Variants in LRP12 observed in about 807,000 individuals in gnomAD.
LRP12 encodes low-density lipoprotein receptor-related protein 12.
LRP12 carries 14 observed loss-of-function variants against 66.0 expected under a neutral mutation model. The ratio of observed to expected loss-of-function variants is 0.21; its 90% confidence interval spans 0.14 to 0.33. The LOEUF (loss-of-function observed/expected upper bound fraction) is 0.33. Ranked by LOEUF, LRP12 falls within the 10% of genes least tolerant of loss-of-function variation. LRP12 has a pLI of 1.00. For synonymous variants in LRP12, 357 were observed against 359.1 expected, an observed-to-expected ratio of 0.99 and a Z score of 0.07; for missense variants, 889 against 1,053.4, an observed-to-expected ratio of 0.84 and a Z score of 2.16.
At chr8:104,524,606 G>A (rs1463119791) in intron 2 of LRP12, among the ~76,000 whole-genome samples, 1 of 152,108 alleles carries the variant, frequency 6.6e-6, no homozygotes, top group Non-Finnish European at 1.5e-5. Flanking sequence ...AACAGAAAGA[G>A]CAGGAGATAA....
In LRP12 at chr8:104,557,263, T is replaced by C. The variant is rs187718898; in HGVS notation, c.80-25300A>G. Among the ~76,000 whole-genome samples the C allele has an allele frequency of 1.1e-4, 16 of 152,234 alleles. No homozygotes were observed. In the East Asian group the frequency reaches 3.1e-3, roughly 29 times the overall value. On this transcript the variant is annotated intron_variant, in intron 1 of 6. Transcript: ENST00000276654. Reference sequence around the variant, plus strand: ...CCACTTTCACCACTTCTATTCAACATAGTACTGGAAGTCTTAGCCAGAGCA... The same window carrying C: ...CCACTTTCACCACTTCTATTCAACACAGTACTGGAAGTCTTAGCCAGAGCA...
Position 104,497,385 on chromosome 8 carries a change from A to T in LRP12, c.1167T>A (p.Tyr389Ter), listed in dbSNP as rs367999610. 6.2e-7 allele frequency: 1 copy of T among 1,613,904 alleles called. No homozygotes were observed. Among genetic ancestry groups the T allele is most frequent in the African/African-American group, 1.3e-5 (1 of 74,908 alleles). ...EIPCGGNWGC[Y>*]TEQQRCDGYW... is the part of the protein sequence containing the mutation. The stretch of plus-strand genomic sequence containing the variant: ...ACCCATCACAACGCTGCTGCTCAGT[A>T]TAACACCCCCAGTTACCTCCACAGG... The change falls in exon 5 of 7, where the codon TAT (tyrosine) becomes TAA (stop). Residue 389 changes from tyrosine to a stop codon, truncating the protein, a stop_gained. Coordinates refer to ENST00000276654, the MANE Select transcript of LRP12 (RefSeq NM_013437.5). LOFTEE classifies it high-confidence loss of function. This position sits in a 1 kb window ranked among gnomAD's most constrained non-coding sequence, Gnocchi z 4.3.
In LRP12 at chr8:104,589,003, CACCG is replaced by C; in HGVS notation, c.-110_-107del. The C allele has an allele frequency of 1.2e-6, 1 of 824,498 alleles. No individual in the cohort carries two copies. The highest frequency in any genetic ancestry group is 1.9e-5 in the South Asian group (1 of 53,986). 51.1% of individuals were successfully genotyped at this position (824,498 alleles called of 1,614,324 possible). A position where few individuals can be genotyped will look rare whatever the true frequency, so the allele number is the denominator to read the frequency against. On this transcript the variant is annotated 5_prime_UTR_variant, in exon 1 of 7. Coordinates refer to ENST00000276654, the MANE Select transcript of LRP12 (RefSeq NM_013437.5). The stretch of plus-strand genomic sequence containing the variant: ...GCCGCCGCCGCCGCCGCCGCCGAGC[CACCG>C]GCTGCTCCCTGCGCTCTCCGCGGCT...
At chr8:104,583,676 C>T (rs914202350) in intron 1 of LRP12, among the ~76,000 whole-genome samples, 1 of 152,122 alleles carries the variant, frequency 6.6e-6, no homozygotes, top group Non-Finnish European at 1.5e-5. Context: ...GAAGAGACAG[C>T]CAGGGTTAGG....
At chr8:104,548,244 GAT>G (rs1348387106) in intron 1 of LRP12, among the ~76,000 whole-genome samples, 71 of 86,364 alleles carry the variant, frequency 8.2e-4, no homozygotes, top group East Asian at 5.6e-4. Flanking sequence ...ATTAATATAC[GAT>G]ATATATTATA....
Position 104,491,305 on chromosome 8 carries a change from C to T in LRP12, c.1948G>A (p.Val650Met), listed in dbSNP as rs577413361. The T allele has an allele frequency of 3.2e-5, 52 of 1,614,138 alleles. No individual in the cohort carries two copies. The highest frequency in any genetic ancestry group is 5.3e-5 in the African/African-American group (4 of 75,014). Residue 650 changes from valine (V) to methionine (M), a missense_variant, in exon 7 of 7, where the codon GTG becomes ATG. By Grantham distance (21) the Val-to-Met change is conservative. Coordinates refer to ENST00000276654, the MANE Select transcript of LRP12 (RefSeq NM_013437.5). Reference protein sequence around the residue: ...RNHTHRSLFSVESDDTDTENE... With the variant: ...RNHTHRSLFSMESDDTDTENE... Reference sequence around the variant, plus strand: ...TCTGTGTCTGTATCATCAGACTCCACGGAAAACAAACTTCTGTGAGTATGA... The same window carrying T: ...TCTGTGTCTGTATCATCAGACTCCATGGAAAACAAACTTCTGTGAGTATGA...
intron 1 of LRP12, among the ~76,000 whole-genome samples, chr8:104,588,359 T>C (rs1335635673): frequency 6.6e-6 from 1 of 151,954 alleles, no homozygotes; most frequent in Non-Finnish European, 1.5e-5. Flanking sequence ...GCTGGCGCGG[T>C]GGGAATCTCG....
At chr8:104,559,299 T>C (rs1288727832) in intron 1 of LRP12, among the ~76,000 whole-genome samples, 1 of 152,198 alleles carries the variant, frequency 6.6e-6, no homozygotes, top group Non-Finnish European at 1.5e-5. Context: ...ATAATGGCAT[T>C]TGCAGCAACC....
intron 1 of LRP12, among the ~76,000 whole-genome samples, chr8:104,547,795 T>G (rs1450640663): frequency 7.8e-6 from 1 of 129,010 alleles, no homozygotes; most frequent in Non-Finnish European, 1.6e-5. Context: ...AATATATAAT[T>G]ATATATTATA....
intron 1 of LRP12, chr8:104,566,570 T>C (rs1460696262): frequency 2.0e-5 from 3 of 152,868 alleles, no homozygotes; most frequent in African/African-American, 7.2e-5. Flanking sequence ...AAATTAGTGA[T>C]TATGGTAATA....
At chr8:104,491,998 T>C (rs1221101015) in intron 6 of LRP12, among the ~76,000 whole-genome samples, 1 of 151,824 alleles carries the variant, frequency 6.6e-6, no homozygotes, top group Non-Finnish European at 1.5e-5. Flanking sequence ...AAGAACAAAT[T>C]AGATTTAATT....
intron 6 of LRP12, among the ~76,000 whole-genome samples, chr8:104,492,639 G>T (rs1043312134): frequency 2.0e-5 from 3 of 152,040 alleles, no homozygotes; most frequent in Middle Eastern, 3.4e-3. Flanking sequence ...TTTGTGACTG[G>T]TATTGCATTT....
chr8:104,551,349 T>G (rs1481380223), intron 1 of LRP12, among the ~76,000 whole-genome samples: 1 of 152,168 alleles, frequency 6.6e-6, no homozygotes, highest in African/African-American at 2.4e-5. Context: ...CCTCATCATA[T>G]TTTGGGGTTA....
rs1045846935 is a variant in LRP12, at chr8:104,522,936, A to ATTTAC, written c.136+8970_136+8971insGTAAA. ...AAAAAAGTTAAGCAAGAAAAACATGATTGTACTGAAAGTAAATGCAGACAA... is the reference window on the plus strand; with the variant it reads ...AAAAAAGTTAAGCAAGAAAAACATGATTTACTTGTACTGAAAGTAAATGCAGACAA... On this transcript the variant is annotated intron_variant, in intron 2 of 6. Coordinates refer to ENST00000276654, the MANE Select transcript of LRP12 (RefSeq NM_013437.5). Among the ~76,000 whole-genome samples, 20 of 152,260 alleles carry ATTTAC rather than the reference A, an allele frequency of 1.3e-4. No individual in the cohort carries two copies. The South Asian group carries it at 1.7e-3, about 13-fold the overall frequency.
At chr8:104,521,461 A>G (rs1010611701) in intron 2 of LRP12, among the ~76,000 whole-genome samples, 3 of 151,454 alleles carry the variant, frequency 2.0e-5, no homozygotes, top group Admixed American at 1.3e-4. Flanking sequence ...TCAATTATAG[A>G]GTATATAATA....
At chr8:104,530,052 T>A (rs1427878382) in intron 2 of LRP12, among the ~76,000 whole-genome samples, 1 of 151,616 alleles carries the variant, frequency 6.6e-6, no homozygotes, top group Non-Finnish European at 1.5e-5. Context: ...TATAAAACAA[T>A]GCTGTTCTTA....
At chr8:104,548,389 A>G (rs1252396169) in intron 1 of LRP12, among the ~76,000 whole-genome samples, 1 of 84,202 alleles carries the variant, frequency 1.2e-5, no homozygotes, top group Non-Finnish European at 1.9e-5. Context: ...TAAATATATA[A>G]TATATATTAT....
intron 1 of LRP12, among the ~76,000 whole-genome samples, chr8:104,548,013 TTGTTATATTTTGTATATAATATATAATTC>T (rs1564141666): frequency 2.0e-5 from 2 of 100,982 alleles, no homozygotes; most frequent in East Asian, 4.9e-4. Context: ...TAATATATAA[TTGTTATATTTTGTATATAATATATAATTC>T]TGTTATATTA....
At chr8:104,547,829 T>C (rs1811619724) in intron 1 of LRP12, among the ~76,000 whole-genome samples, 1 of 124,550 alleles carries the variant, frequency 8.0e-6, no homozygotes, top group Non-Finnish European at 1.6e-5. Flanking sequence ...ACTTTGTATA[T>C]AATATATAAT....
Sources: gnomAD v4.1 joint callset for allele counts (sites outside exome capture counted in the v4.1 genomes callset) on GRCh38, gnomAD v4.1.1 for gene constraint, Gnocchi (gnomAD v3.1) non-coding constraint, MANE v1.5 for transcripts, NCBI Gene and HGNC (gene_info 2026-07-23, HGNC 2026-07-21) for gene names.